The following BCAS3 variants were observed in gnomAD, a reference collection of about 807,000 sequenced individuals.
The protein encoded by BCAS3 is BCAS4/BCAS3 fusion.
Under a neutral mutation model 116.1 loss-of-function variants are expected in BCAS3, and 53 were observed. The observed-to-expected ratio is 0.46, with a 90% CI of 0.37 to 0.57. BCAS3 has a LOEUF of 0.57. Ranked by LOEUF, BCAS3 falls within the 20% of genes least tolerant of loss-of-function variation. The pLI is 0.00. For synonymous variants in BCAS3, 391 were observed against 408.2 expected, an observed-to-expected ratio of 0.96 and a Z score of 0.51; for missense variants, 917 against 1,165.4, an observed-to-expected ratio of 0.79 and a Z score of 3.10.
intron 5 of BCAS3, among the ~76,000 whole-genome samples, chr17:60,738,844 C>G (rs1253652446): frequency 6.6e-6 from 1 of 152,188 alleles, no homozygotes; most frequent in East Asian, 1.9e-4. Flanking sequence ...TAGCCTCGAA[C>G]TCCTGGGCTT....
chr17:61,043,384 A>G (rs1197905045), intron 19 of BCAS3, among the ~76,000 whole-genome samples: 1 of 152,040 alleles, frequency 6.6e-6, no homozygotes, highest in East Asian at 1.9e-4. Flanking sequence ...GAGAGGGACA[A>G]TTTGAAACTA....
At chr17:61,049,909 T>G (rs191082140) in intron 19 of BCAS3, among the ~76,000 whole-genome samples, 22 of 151,910 alleles carry the variant, frequency 1.4e-4, no homozygotes, top group Middle Eastern at 3.4e-3. Context: ...ATTTGTTGTA[T>G]TTTTAGTAGA....
At position 60,752,586 on chromosome 17, in the gene BCAS3, G is replaced by A. The variant is rs1214516053; in HGVS notation, c.403+5307G>A. Among the ~76,000 whole-genome samples, 3 of 152,018 alleles carry A rather than the reference G, an allele frequency of 2.0e-5. No homozygotes were observed. In the East Asian group the frequency reaches 5.8e-4, roughly 30 times the overall value. ...CTACAGGCGCCCTCCACCATGCCTG[G>A]CTAATTTTTTGTATTTTTAGTAGAG... On this transcript the variant is annotated intron_variant, in intron 6 of 23. Coordinates refer to ENST00000407086, the MANE Select transcript of BCAS3 (RefSeq NM_017679.5).
In BCAS3 at chr17:61,186,102, G is replaced by GA. The variant is rs2079758623; in HGVS notation, c.2425+101543dup. Among the ~76,000 whole-genome samples, 1 of 152,054 alleles carries GA rather than the reference G, an allele frequency of 6.6e-6. No individual in the cohort carries two copies. Among genetic ancestry groups the GA allele is most frequent in the Admixed American group, 6.5e-5 (1 of 15,278 alleles). On this transcript the variant is annotated intron_variant, in intron 22 of 23. Transcript: ENST00000407086. The surrounding 1 kb of genome is among the most constrained non-coding windows in gnomAD (Gnocchi z 4.9). ...TTTTTGCCTAATAGCCAATTGCTTT[G>GA]AAAAATGTAGTCCATCTTCTCTTTC...
chr17:61,373,654 G>A (rs535145673), intron 23 of BCAS3, among the ~76,000 whole-genome samples: 18 of 147,956 alleles, frequency 1.2e-4, no homozygotes, highest in African/African-American at 4.2e-4. Context: ...CACCATGTTG[G>A]CCAGGCTGGT....
At chr17:61,183,005 A>G (rs963018624) in intron 22 of BCAS3, among the ~76,000 whole-genome samples, 6 of 152,206 alleles carry the variant, frequency 3.9e-5, no homozygotes, top group African/African-American at 9.7e-5. Context: ...TAATGAACTG[A>G]TATCTCCTGT....
intron 4 of BCAS3, among the ~76,000 whole-genome samples, chr17:60,697,734 A>G (rs1021868152): frequency 2.0e-5 from 3 of 152,146 alleles, no homozygotes; most frequent in East Asian, 1.9e-4. Flanking sequence ...AGATTCACAG[A>G]TAAGTTAAGA....
At chr17:61,294,691 G>A (rs1366344621) in intron 22 of BCAS3, among the ~76,000 whole-genome samples, 1 of 152,138 alleles carries the variant, frequency 6.6e-6, no homozygotes, top group Non-Finnish European at 1.5e-5. Context: ...TTCTGTCCCT[G>A]TATTTGTCTG....
At chr17:60,924,303 C>A (rs1315382280) in intron 12 of BCAS3, 104 bp from the exon 13 acceptor site, 2 of 889,848 alleles carry the variant, frequency 2.2e-6, no homozygotes, top group Non-Finnish European at 3.7e-6. Context: ...AGAGTGGAAA[C>A]ATGTTATTTG....
chr17:61,059,619 G>A (rs1469987457), intron 19 of BCAS3, among the ~76,000 whole-genome samples: 2 of 152,174 alleles, frequency 1.3e-5, no homozygotes, highest in Non-Finnish European at 2.9e-5. Flanking sequence ...GGTGGCACAG[G>A]TGAACATACT....
intron 7 of BCAS3, among the ~76,000 whole-genome samples, chr17:60,858,494 A>G (rs1257960833): frequency 3.3e-5 from 5 of 151,588 alleles, no homozygotes; most frequent in Non-Finnish European, 4.4e-5. Context: ...TTGTTGTTTT[A>G]TAGATAATTT....
chr17:60,709,730 G>A (rs1176644603), intron 5 of BCAS3, among the ~76,000 whole-genome samples: 1 of 151,998 alleles, frequency 6.6e-6, no homozygotes, highest in East Asian at 1.9e-4. Flanking sequence ...TTTCAATGGA[G>A]TTACTGAGTC....
At chr17:60,795,649 G>A (rs2047150212) in intron 6 of BCAS3, among the ~76,000 whole-genome samples, 3 of 152,136 alleles carry the variant, frequency 2.0e-5, no homozygotes, top group Non-Finnish European at 4.4e-5. Flanking sequence ...TTTGTTGAAT[G>A]CTTTTTCTGC....
Position 61,379,472 on chromosome 17 carries a change from C to G in BCAS3, c.2593+10978C>G, listed in dbSNP as rs2143606129. The stretch of plus-strand genomic sequence containing the variant: ...TCCTAGAAGCCATAGAGCACTGTAC[C>G]AAGAAGGCCAAGCCAAGCCCATCCG... On this transcript the variant is annotated intron_variant, in intron 23 of 23. Coordinates refer to ENST00000407086, the MANE Select transcript of BCAS3 (RefSeq NM_017679.5). This position sits in a 1 kb window ranked among gnomAD's most constrained non-coding sequence, Gnocchi z 5.5. 6.6e-6 allele frequency: 1 copy of G among 152,286 alleles called. No individual in the cohort carries two copies. Among genetic ancestry groups the G allele is most frequent in the East Asian group, 1.9e-4 (1 of 5,172 alleles). 9.4% of individuals were successfully genotyped at this position (152,286 alleles called of 1,614,324 possible). A position where few individuals can be genotyped will look rare whatever the true frequency, so the allele number is the denominator to read the frequency against.
At chr17:61,064,057 C>T (rs550333828) in intron 19 of BCAS3, among the ~76,000 whole-genome samples, 4 of 152,308 alleles carry the variant, frequency 2.6e-5, no homozygotes, top group African/African-American at 7.2e-5. Flanking sequence ...GAAGACCCCT[C>T]CTAAACTCCA....
intron 22 of BCAS3, among the ~76,000 whole-genome samples, chr17:61,334,355 A>G (rs1027029114): frequency 3.9e-5 from 6 of 152,274 alleles, no homozygotes; most frequent in Non-Finnish European, 8.8e-5. Flanking sequence ...GATAAAACCT[A>G]TGTTGCAGAG....
In BCAS3 at chr17:61,151,883, A is replaced by G. The variant is rs2077560482; in HGVS notation, c.2425+67319A>G. Among the ~76,000 whole-genome samples the G allele has an allele frequency of 6.6e-6, 1 of 152,166 alleles. No individual in the cohort carries two copies. The highest frequency in any genetic ancestry group is 2.1e-4 in the South Asian group (1 of 4,824). On this transcript the variant is annotated intron_variant, in intron 22 of 23. Coordinates refer to ENST00000407086, the MANE Select transcript of BCAS3 (RefSeq NM_017679.5). The surrounding 1 kb of genome is among the most constrained non-coding windows in gnomAD (Gnocchi z 4.8). ...TCCTCCTGCAAACGTGAATGTTCCT[A>G]AAATGCACCAGACTTACTATAAGAA...
intron 5 of BCAS3, among the ~76,000 whole-genome samples, chr17:60,721,845 T>A (rs2039272370): frequency 6.6e-6 from 1 of 152,170 alleles, no homozygotes; most frequent in Admixed American, 6.6e-5. Flanking sequence ...TGCCACTTCC[T>A]TGGCAGTACT....
chr17:61,061,481 A>G (rs946100953), intron 19 of BCAS3, among the ~76,000 whole-genome samples: 2 of 152,198 alleles, frequency 1.3e-5, no homozygotes, highest in Non-Finnish European at 2.9e-5. Flanking sequence ...CAACTGTGCC[A>G]TTGTAGATGG....
Sources: gnomAD v4.1 joint callset for allele counts (sites outside exome capture counted in the v4.1 genomes callset) on GRCh38, gnomAD v4.1.1 for gene constraint, Gnocchi (gnomAD v3.1) non-coding constraint, MANE v1.5 for transcripts, NCBI Gene and HGNC (gene_info 2026-07-23, HGNC 2026-07-21) for gene names.